Variants in RSPO3 observed in about 807,000 individuals in gnomAD.
The protein encoded by RSPO3 is R-spondin-3.
A neutral mutation model predicts 36.5 loss-of-function variants in RSPO3; 17 were observed. The observed-to-expected ratio is 0.47, with a 90% CI of 0.32 to 0.70. The LOEUF (loss-of-function observed/expected upper bound fraction) is 0.70, where lower values mean the gene tolerates loss of function less well. Ranked by LOEUF, RSPO3 falls within the 30% of genes least tolerant of loss-of-function variation. The pLI, the probability that RSPO3 is intolerant of heterozygous loss-of-function variation, is 0.04. For missense variants in RSPO3, 294 were observed against 322.5 expected, an observed-to-expected ratio of 0.91 and a Z score of 0.68; for synonymous variants, 108 against 107.0, an observed-to-expected ratio of 1.01 and a Z score of -0.06.
Position 127,155,223 on chromosome 6 carries a change from T to C in RSPO3, c.437-18T>C. The C allele has an allele frequency of 6.2e-7, 1 of 1,612,922 alleles. No homozygotes were observed. The highest frequency in any genetic ancestry group is 2.2e-5 in the East Asian group (1 of 44,846). Reference sequence around the variant, plus strand: ...TGGTTGTAAGCCAGCTGAGTCTGTTTCTTCTGTTCTGTTTCAGTGCACTGT... The same window carrying C: ...TGGTTGTAAGCCAGCTGAGTCTGTTCCTTCTGTTCTGTTTCAGTGCACTGT... On this transcript the variant is annotated intron_variant, in intron 3 of 4. Transcript: ENST00000356698.
chr6:127,183,315 A>C (rs1030462111), intron 4 of RSPO3, among the ~76,000 whole-genome samples: 3 of 152,030 alleles, frequency 2.0e-5, no homozygotes, highest in Admixed American at 6.6e-5. Context: ...CTTGGTCCCA[A>C]AGGACCAAGC....
chr6:127,189,970 A>G (rs1374038742), intron 4 of RSPO3, among the ~76,000 whole-genome samples: 1 of 152,150 alleles, frequency 6.6e-6, no homozygotes, highest in East Asian at 1.9e-4. Context: ...GAAGTTTTCT[A>G]TTTTATTAAA....
Position 127,199,458 on chromosome 6 carries a change from T to C in RSPO3, c.*3451T>C, listed in dbSNP as rs945207901. ...AGAATCATGGAAATGAAATTAATAA[T>C]ATTAACTAGTAATTAAATTGTAATT... On this transcript the variant is annotated 3_prime_UTR_variant, in exon 5 of 5. Transcript: ENST00000356698. Among the ~76,000 whole-genome samples the C allele has an allele frequency of 6.6e-6, 1 of 152,194 alleles. No homozygotes were observed. The highest frequency in any genetic ancestry group is 1.5e-5 in the Non-Finnish European group (1 of 68,030).
chr6:127,197,305 G>A lies in RSPO3; in HGVS notation c.*1298G>A, dbSNP rs1222796942. ...TATAGACACATGGGCCTCCCTAGCT[G>A]ATTTCACTGCTCCCCCTTCATTGCT... On this transcript the variant is annotated 3_prime_UTR_variant, in exon 5 of 5. Coordinates refer to ENST00000356698, the MANE Select transcript of RSPO3 (RefSeq NM_032784.5). 4 of 1,316,566 alleles carry A rather than the reference G, an allele frequency of 3.0e-6. No individual in the cohort carries two copies. Among genetic ancestry groups the A allele is most frequent in the Non-Finnish European group, 4.1e-6 (4 of 972,750 alleles). The allele number at this position is 1,316,566 out of a possible 1,614,324, so 81.6% of individuals were successfully genotyped here.
intron 1 of RSPO3, among the ~76,000 whole-genome samples, chr6:127,144,145 C>A (rs941204041): frequency 7.2e-5 from 11 of 152,160 alleles, no homozygotes; most frequent in African/African-American, 2.6e-4. Flanking sequence ...TACAACTAAC[C>A]ATAATAAACA....
At chr6:127,130,725 T>C (rs1006779964) in intron 1 of RSPO3, among the ~76,000 whole-genome samples, 3 of 152,128 alleles carry the variant, frequency 2.0e-5, no homozygotes, top group Non-Finnish European at 4.4e-5. Flanking sequence ...GTTTCTGCCA[T>C]AAAATACAAA....
chr6:127,131,213 T>C (rs1012986894), intron 1 of RSPO3, among the ~76,000 whole-genome samples: 25 of 152,118 alleles, frequency 1.6e-4, no homozygotes, highest in African/African-American at 5.5e-4. Flanking sequence ...CCTGTGTTTT[T>C]AAACCTGTGG....
At chr6:127,150,670 G>A in intron 3 of RSPO3, 98 bp downstream of exon 3, 2 of 1,168,454 alleles carry the variant, frequency 1.7e-6, no homozygotes, top group Non-Finnish European at 2.4e-6. Context: ...AGGTTCTTGG[G>A]CTGAGATCTC....
chr6:127,169,316 T>A (rs1774890088), intron 4 of RSPO3, among the ~76,000 whole-genome samples: 1 of 151,850 alleles, frequency 6.6e-6, no homozygotes, highest in African/African-American at 2.4e-5. Context: ...ACTGCAATCT[T>A]ACATGTGTGG....
Position 127,169,244 on chromosome 6 carries a change from C to T in RSPO3, c.634+13806C>T, listed in dbSNP as rs547534158. Among the ~76,000 whole-genome samples the T allele has an allele frequency of 1.3e-4, 19 of 151,266 alleles. No homozygotes were observed. The East Asian group carries it at 3.5e-3, about 28-fold the overall frequency. ...CTGTTTGGTTTTTTGTTTTATTTTG[C>T]TTTGTTTTTGTAATTACAACTTCTC... is the stretch of plus-strand genomic sequence containing the variant. On this transcript the variant is annotated intron_variant, in intron 4 of 4. Coordinates refer to ENST00000356698, the MANE Select transcript of RSPO3 (RefSeq NM_032784.5).
chr6:127,197,484 C>T lies in RSPO3; in HGVS notation c.*1477C>T. 1 of 1,550,608 alleles carries T rather than the reference C, an allele frequency of 6.4e-7. No homozygotes were observed. The highest frequency in any genetic ancestry group is 8.7e-7 in the Non-Finnish European group (1 of 1,146,972). On this transcript the variant is annotated 3_prime_UTR_variant, in exon 5 of 5. Transcript: ENST00000356698. ...AGTGTTTCACAGAGGACACAGCCCA[C>T]CCCTTGCAGGAGGAGGTATCTCTGA...
intron 4 of RSPO3, among the ~76,000 whole-genome samples, chr6:127,182,580 T>C (rs756645046): frequency 4.3e-4 from 66 of 151,992 alleles, no homozygotes; most frequent in Non-Finnish European, 8.8e-4. Flanking sequence ...TTTCCTTTAA[T>C]TTTCAGCTCA....
chr6:127,197,222 A>T lies in RSPO3; in HGVS notation c.*1215A>T. On this transcript the variant is annotated 3_prime_UTR_variant, in exon 5 of 5. Transcript: ENST00000356698. ...CCTTTATCTGAGCCAATGGAGATTT[A>T]CTTATAGCGTATTAGGAGATATTTA... The T allele has an allele frequency of 1.7e-6, 1 of 576,088 alleles. No homozygotes were observed. Among genetic ancestry groups the T allele is most frequent in the Non-Finnish European group, 2.9e-6 (1 of 341,320 alleles). The allele number at this position is 576,088 out of a possible 1,614,324, so 35.7% of individuals were successfully genotyped here.
At chr6:127,156,583 T>A (rs1384617939) in intron 4 of RSPO3, among the ~76,000 whole-genome samples, 1 of 152,174 alleles carries the variant, frequency 6.6e-6, no homozygotes. Flanking sequence ...CTTTATTAGG[T>A]TATTTCATTC....
intron 4 of RSPO3, among the ~76,000 whole-genome samples, chr6:127,191,477 G>A (rs924183723): frequency 6.6e-6 from 1 of 152,178 alleles, no homozygotes; most frequent in Non-Finnish European, 1.5e-5. Flanking sequence ...ATTGTCTGCA[G>A]AAGGCCATAG....
intron 4 of RSPO3, among the ~76,000 whole-genome samples, chr6:127,193,601 AC>A (rs1340393253): frequency 6.6e-6 from 1 of 152,210 alleles, no homozygotes; most frequent in Admixed American, 6.5e-5. Flanking sequence ...ATGTAATCCA[AC>A]CTTTGCAGCC....
At chr6:127,193,508 T>A (rs1012367857) in intron 4 of RSPO3, among the ~76,000 whole-genome samples, 1 of 152,180 alleles carries the variant, frequency 6.6e-6, no homozygotes, top group African/African-American at 2.4e-5. Context: ...GTAGTTTTTA[T>A]GGAACTTTGG....
rs1774470535 is a variant in RSPO3, at chr6:127,150,515, G to C, written c.379G>C (p.Asp127His). Residue 127 changes from aspartate (D) to histidine (H), a missense_variant, in exon 3 of 5, where the codon GAC becomes CAC. Asp to His is a moderately conservative substitution (Grantham distance 81). This residue lies in a region of RSPO3 where 190 missense variants were observed against 185.2 expected (regional missense o/e 1.03). Coordinates refer to ENST00000356698, the MANE Select transcript of RSPO3 (RefSeq NM_032784.5). ...GFYLHLGKCL[D>H]NCPEGLEANN... ...TTACTTACACCTTGGAAAGTGCCTT[G>C]ACAATTGCCCAGAAGGGTTGGAAGC... is the stretch of plus-strand genomic sequence containing the variant. The C allele has an allele frequency of 6.2e-7, 1 of 1,612,430 alleles. No homozygotes were observed. Among genetic ancestry groups the C allele is most frequent in the Non-Finnish European group, 8.5e-7 (1 of 1,179,108 alleles).
intron 4 of RSPO3, among the ~76,000 whole-genome samples, chr6:127,187,465 T>C (rs1245125443): frequency 6.6e-6 from 1 of 152,160 alleles, no homozygotes; most frequent in Non-Finnish European, 1.5e-5. Context: ...GAATAATATT[T>C]GACGGTGCTT....
Sources: gnomAD v4.1 joint callset for allele counts (sites outside exome capture counted in the v4.1 genomes callset) on GRCh38, gnomAD v4.1.1 for gene constraint, gnomAD v4.1.1 regional missense constraint, MANE v1.5 for transcripts, NCBI Gene and HGNC (gene_info 2026-07-23, HGNC 2026-07-21) for gene names.